KCNK3: variants seen among roughly 807,000 people sequenced by gnomAD.
KCNK3 encodes the protein potassium channel subfamily K member 3.
KCNK3 carries 9 observed loss-of-function variants against 27.3 expected under a neutral mutation model. The observed-to-expected ratio is 0.33, with a 90% CI of 0.20 to 0.57. The LOEUF is 0.57. Ranked by LOEUF, KCNK3 falls within the 20% of genes least tolerant of loss-of-function variation. KCNK3 has a pLI of 0.87. For synonymous variants in KCNK3, 278 were observed against 273.8 expected (o/e 1.02, Z -0.15); for missense variants, 391 against 577.7 (o/e 0.68, Z 3.31).
At chr2:26,724,907 T>C (rs1490763729) in intron 1 of KCNK3, among the ~76,000 whole-genome samples, 1 of 151,046 alleles carries the variant, frequency 6.6e-6, no homozygotes, top group South Asian at 2.1e-4. Context: ...AGGGGCCGGC[T>C]TGGCTGGGTG....
In KCNK3 at chr2:26,728,228, C is replaced by G. The variant is rs746544523; in HGVS notation, c.845C>G (p.Thr282Arg). 6.4e-7 allele frequency: 1 copy of G among 1,568,512 alleles called. No individual in the cohort carries two copies. The highest frequency in any genetic ancestry group is 2.4e-5 in the East Asian group (1 of 42,006). The change falls in exon 2 of 2, where the codon ACG (threonine) becomes AGG (arginine). Residue 282 changes from threonine (T) to arginine (R), a missense_variant. Transcript: ENST00000302909. ...GGGGGGSAHT[T>R]DTASSTAAAG... ...GGAGGGGGTGGCAGCGCGCACACTA[C>G]GGACACCGCCTCATCCACGGCGGCA...
intron 1 of KCNK3, among the ~76,000 whole-genome samples, chr2:26,702,645 G>C (rs1670322205): frequency 6.6e-6 from 1 of 152,188 alleles, no homozygotes; most frequent in Non-Finnish European, 1.5e-5. Flanking sequence ...ATCACAGGAA[G>C]TATACAAGCA....
intron 1 of KCNK3, among the ~76,000 whole-genome samples, chr2:26,715,000 C>CTG (rs1238967609): frequency 6.6e-6 from 1 of 152,236 alleles, no homozygotes; most frequent in East Asian, 1.9e-4. Flanking sequence ...GGCCACATAC[C>CTG]TGTGTGGCCT....
intron 1 of KCNK3, among the ~76,000 whole-genome samples, chr2:26,704,426 T>C (rs908490754): frequency 6.6e-6 from 1 of 152,114 alleles, no homozygotes; most frequent in Non-Finnish European, 1.5e-5. Context: ...TGATTTCTGC[T>C]CCGGGCTCCG....
intron 1 of KCNK3, among the ~76,000 whole-genome samples, chr2:26,704,960 A>G (rs1031037304): frequency 5.2e-4 from 78 of 151,098 alleles, no homozygotes; most frequent in African/African-American, 1.7e-3. Flanking sequence ...GGGAGGCACT[A>G]TTTTCTTTCT....
intron 1 of KCNK3, among the ~76,000 whole-genome samples, chr2:26,706,960 G>A (rs1466081597): frequency 5.3e-5 from 8 of 152,222 alleles, no homozygotes; most frequent in Non-Finnish European, 7.4e-5. Context: ...AGTTGGGGCC[G>A]TCTCTGTTGC....
At chr2:26,701,896 C>A (rs1017996565) in intron 1 of KCNK3, among the ~76,000 whole-genome samples, 2 of 152,150 alleles carry the variant, frequency 1.3e-5, no homozygotes, top group African/African-American at 4.8e-5. Flanking sequence ...GCCAAGAAAG[C>A]GCCACTGTAC....
intron 1 of KCNK3, among the ~76,000 whole-genome samples, chr2:26,708,057 G>A (rs1201667763): frequency 6.6e-6 from 1 of 152,212 alleles, no homozygotes; most frequent in Non-Finnish European, 1.5e-5. Context: ...CCACTTTAGA[G>A]GAAGTAGAGA....
At chr2:26,694,367 C>T (rs1487856384) in intron 1 of KCNK3, among the ~76,000 whole-genome samples, 1 of 152,218 alleles carries the variant, frequency 6.6e-6, no homozygotes, top group Non-Finnish European at 1.5e-5. Flanking sequence ...CTTGATCAGA[C>T]TCCCAGGGGT....
At chr2:26,705,194 G>A (rs1322834676) in intron 1 of KCNK3, among the ~76,000 whole-genome samples, 1 of 152,170 alleles carries the variant, frequency 6.6e-6, no homozygotes, top group East Asian at 1.9e-4. Context: ...CAAACTCCTG[G>A]GTGATCCTCC....
chr2:26,728,430 G>C lies in KCNK3; in HGVS notation c.1047G>C (p.Gly349=). 2 of 1,591,630 alleles carry C rather than the reference G, an allele frequency of 1.3e-6. No homozygotes were observed. The highest frequency in any genetic ancestry group is 4.6e-5 in the East Asian group (2 of 43,904). Residue 349 remains glycine (G), a synonymous_variant, in exon 2 of 2, where the codon GGG becomes GGC. Transcript: ENST00000302909. ...AGCAGAGCCACTCGTCGCCGGGAGG[G>C]GGCGGCCGCTACAGCGACACGCCCT... ...CVEQSHSSPG[G]GGRYSDTPSR... is the part of the protein sequence containing the mutation.
At chr2:26,727,280 C>A (rs1051686414) in intron 1 of KCNK3, among the ~76,000 whole-genome samples, 2 of 152,206 alleles carry the variant, frequency 1.3e-5, no homozygotes, top group African/African-American at 4.8e-5. Context: ...CCCAGCTGAC[C>A]TGTGCCCTCA....
rs969530025 is a variant in KCNK3, at chr2:26,732,900, C to T, written c.*4332C>T. ...CTTTACAAACAGACCTGGGAGAAGT[C>T]CCCTAAGGGGCTGCATTTATCCCCA... On this transcript the variant is annotated 3_prime_UTR_variant, in exon 2 of 2. Transcript: ENST00000302909. The T allele has an allele frequency of 6.6e-6, 1 of 152,246 alleles. No homozygotes were observed. The highest frequency in any genetic ancestry group is 1.5e-5 in the Non-Finnish European group (1 of 68,070). 9.4% of individuals were successfully genotyped at this position (152,246 alleles called of 1,614,324 possible). A position where few individuals can be genotyped will look rare whatever the true frequency, so the allele number is the denominator to read the frequency against.
At chr2:26,715,241 T>C (rs1663207545) in intron 1 of KCNK3, among the ~76,000 whole-genome samples, 1 of 152,266 alleles carries the variant, frequency 6.6e-6, no homozygotes, top group African/African-American at 2.4e-5. Flanking sequence ...AATACTCATC[T>C]AAAATGTTTG....
At chr2:26,699,203 GAGAGAGAAAGAA>G (rs1670273756) in intron 1 of KCNK3, among the ~76,000 whole-genome samples, 1 of 81,378 alleles carries the variant, frequency 1.2e-5, no homozygotes, top group Non-Finnish European at 2.7e-5. Context: ...AGGAAGGAAA[GAGAGAGAAAGAA>G]AGAAAGAAAG....
intron 1 of KCNK3, among the ~76,000 whole-genome samples, chr2:26,715,411 T>C (rs868417101): frequency 6.6e-6 from 1 of 152,180 alleles, no homozygotes; most frequent in Non-Finnish European, 1.5e-5. Flanking sequence ...CACTAAGAAG[T>C]ACAAGGCAGT....
intron 1 of KCNK3, among the ~76,000 whole-genome samples, chr2:26,697,579 G>C (rs1261814175): frequency 6.6e-6 from 1 of 152,122 alleles, no homozygotes; most frequent in Non-Finnish European, 1.5e-5. Context: ...CCTGCTGCTT[G>C]CCACACCCTG....
chr2:26,698,629 G>A (rs754537337), intron 1 of KCNK3, among the ~76,000 whole-genome samples: 25 of 152,098 alleles, frequency 1.6e-4, no homozygotes, highest in Non-Finnish European at 3.1e-4. Context: ...CCATGACCAC[G>A]GCTACTTCTG....
At chr2:26,723,870 T>C (rs1663365771) in intron 1 of KCNK3, among the ~76,000 whole-genome samples, 1 of 152,172 alleles carries the variant, frequency 6.6e-6, no homozygotes, top group Non-Finnish European at 1.5e-5. Context: ...TCTGCTCTGG[T>C]TGATCAGCCC....
Sources: gnomAD v4.1 joint callset for allele counts (sites outside exome capture counted in the v4.1 genomes callset) on GRCh38, gnomAD v4.1.1 for gene constraint, MANE v1.5 for transcripts, NCBI Gene and HGNC (gene_info 2026-07-23, HGNC 2026-07-21) for gene names.